The following GALNT13 variants were observed in gnomAD, a reference collection of about 807,000 sequenced individuals.
GALNT13 encodes UDP-GalNAc:polypeptide N-acetylgalactosaminyltransferase 13.
GALNT13 carries 28 observed loss-of-function variants against 64.2 expected under a neutral mutation model. The ratio of observed to expected loss-of-function variants is 0.44; its 90% CI spans 0.32 to 0.60. The LOEUF (loss-of-function observed/expected upper bound fraction) is 0.60, where lower values mean the gene tolerates loss of function less well. GALNT13 is among the 20% of genes least tolerant of loss of function. The pLI is 0.05. For synonymous variants in GALNT13, 214 were observed against 224.6 expected, an observed-to-expected ratio of 0.95 and a Z score of 0.42; for missense variants, 577 against 669.8, an observed-to-expected ratio of 0.86 and a Z score of 1.53.
At chr2:153,921,064 A>G (rs750545032) in intron 2 of GALNT13, among the ~76,000 whole-genome samples, 2 of 152,134 alleles carry the variant, frequency 1.3e-5, no homozygotes, top group Non-Finnish European at 2.9e-5. Context: ...AAAACAGTGT[A>G]ATGATTTCTT....
intron 3 of GALNT13, among the ~76,000 whole-genome samples, chr2:154,115,671 T>G (rs1029792947): frequency 6.6e-6 from 1 of 152,240 alleles, no homozygotes; most frequent in African/African-American, 2.4e-5. Flanking sequence ...TCTGCCCGTC[T>G]CAGCCTCCCA....
the GALNT13 span, among the ~76,000 whole-genome samples, chr2:153,253,285 A>G: frequency 4.0e-5 from 6 of 148,416 alleles, no homozygotes; most frequent in Middle Eastern, 3.4e-3. Flanking sequence ...TTGTTGGTGT[A>G]TTAGAATGCT....
At chr2:153,538,422 G>A in the GALNT13 span, among the ~76,000 whole-genome samples, 1 of 122,340 alleles carries the variant, frequency 8.2e-6, no homozygotes, top group Non-Finnish European at 1.6e-5. Context: ...TTAAGTTTTA[G>A]GGTACATGTG....
At chr2:153,364,438 C>G in the GALNT13 span, among the ~76,000 whole-genome samples, 15 of 152,092 alleles carry the variant, frequency 9.9e-5, no homozygotes, top group African/African-American at 3.6e-4. Context: ...AAAAAGGAAG[C>G]CAAATTGTCT....
chr2:153,307,033 G>T, the GALNT13 span, among the ~76,000 whole-genome samples: 1 of 152,200 alleles, frequency 6.6e-6, no homozygotes, highest in Non-Finnish European at 1.5e-5. Context: ...AACGCACCCA[G>T]CTCATGCTTT....
intron 3 of GALNT13, among the ~76,000 whole-genome samples, chr2:154,103,162 C>G (rs182332605): frequency 6.4e-4 from 98 of 152,094 alleles, no homozygotes; most frequent in Admixed American, 1.2e-3. Context: ...TTTGATCACA[C>G]TACATAATCC....
chr2:153,649,202 T>C, the GALNT13 span, among the ~76,000 whole-genome samples: 2 of 152,208 alleles, frequency 1.3e-5, no homozygotes, highest in African/African-American at 4.8e-5. Flanking sequence ...GGAGGGTGTA[T>C]GTTTCAAGGA....
chr2:153,788,189 G>C, the GALNT13 span, among the ~76,000 whole-genome samples: 4 of 152,104 alleles, frequency 2.6e-5, no homozygotes, highest in African/African-American at 7.2e-5. Context: ...AAGGCAGTAA[G>C]AGAGAAAGGA....
chr2:153,524,084 A>T, the GALNT13 span, among the ~76,000 whole-genome samples: 1 of 152,052 alleles, frequency 6.6e-6, no homozygotes, highest in Non-Finnish European at 1.5e-5. Flanking sequence ...TTGTTTTCTA[A>T]CCTGTTGACG....
At chr2:154,336,702 G>A (rs1695463247) in intron 9 of GALNT13, among the ~76,000 whole-genome samples, 1 of 151,810 alleles carries the variant, frequency 6.6e-6, no homozygotes, top group Non-Finnish European at 1.5e-5. Context: ...CTTAGTAAAA[G>A]CCCTTTGTAG....
chr2:153,759,566 A>G, the GALNT13 span, among the ~76,000 whole-genome samples: 1 of 152,206 alleles, frequency 6.6e-6, no homozygotes, highest in South Asian at 2.1e-4. Context: ...GATTGATCAT[A>G]TGGTTTTTGC....
intron 9 of GALNT13, among the ~76,000 whole-genome samples, chr2:154,365,014 T>G (rs574555369): frequency 6.6e-6 from 1 of 152,206 alleles, no homozygotes; most frequent in Non-Finnish European, 1.5e-5. Context: ...CTTGTACTTT[T>G]TGCAAAAATA....
chr2:153,376,756 TA>T, the GALNT13 span, among the ~76,000 whole-genome samples: 1 of 152,196 alleles, frequency 6.6e-6, no homozygotes. Flanking sequence ...GTAATTTACT[TA>T]ATATATCTAT....
chr2:153,257,489 C>G, the GALNT13 span, among the ~76,000 whole-genome samples: 28 of 151,988 alleles, frequency 1.8e-4, no homozygotes, highest in Non-Finnish European at 4.1e-4. Context: ...AACAGGTACT[C>G]TTAAATGCAG....
chr2:154,065,487 C>T (rs1700412746), intron 3 of GALNT13, among the ~76,000 whole-genome samples: 2 of 152,228 alleles, frequency 1.3e-5, no homozygotes, highest in South Asian at 2.1e-4. Flanking sequence ...ACCTGCCACC[C>T]CTCACCCAGC....
the GALNT13 span, among the ~76,000 whole-genome samples, chr2:153,812,233 A>T: frequency 5.9e-5 from 9 of 152,162 alleles, no homozygotes. Context: ...AACACATCTA[A>T]GATTTATCCA....
At chr2:153,409,719 G>A in the GALNT13 span, among the ~76,000 whole-genome samples, 116 of 152,110 alleles carry the variant, frequency 7.6e-4, no homozygotes, top group Middle Eastern at 0.024. Context: ...AAAGAACTGC[G>A]TAGTATTAAT....
the GALNT13 span, among the ~76,000 whole-genome samples, chr2:153,533,723 CTTTTTTTTTTTT>C: frequency 6.2e-5 from 3 of 48,720 alleles, no homozygotes; most frequent in African/African-American, 1.7e-4. Context: ...TGAGGTTTTT[CTTTTTTTTTTTT>C]TTTTTTTTTT....
intron 9 of GALNT13, among the ~76,000 whole-genome samples, chr2:154,326,779 A>T (rs1295727998): frequency 2.0e-5 from 3 of 152,142 alleles, no homozygotes; most frequent in African/African-American, 7.2e-5. Context: ...ATCTGAAGCT[A>T]GTAAGAGGGA....
Sources: gnomAD v4.1 joint callset for allele counts (sites outside exome capture counted in the v4.1 genomes callset) on GRCh38, gnomAD v4.1.1 for gene constraint, MANE v1.5 for transcripts, NCBI Gene and HGNC (gene_info 2026-07-23, HGNC 2026-07-21) for gene names.